The following ARL15 variants were observed in gnomAD, a reference collection of about 807,000 sequenced individuals.
The protein encoded by ARL15 is ARF like GTPase 15, also known as ADP-ribosylation factor-like protein 15.
In ARL15, 19 loss-of-function variants were observed where a neutral mutation model predicts 25.2. The observed-to-expected ratio is 0.75, with a 90% confidence interval of 0.53 to 1.10. ARL15 has a LOEUF of 1.10. Ranked by LOEUF, ARL15 falls within the 50% of genes least tolerant of loss-of-function variation. ARL15 has a pLI of 0.00. For missense variants in ARL15, 220 were observed against 246.0 expected (o/e 0.89, Z 0.71); for synonymous variants, 94 against 86.8 (o/e 1.08, Z -0.46).
chr5:54,054,324 T>A lies in ARL15; in HGVS notation c.462+58878A>T, dbSNP rs114686860. On this transcript the variant is annotated intron_variant, in intron 4 of 4. Coordinates refer to ENST00000504924, the MANE Select transcript of ARL15 (RefSeq NM_019087.3). Reference sequence around the variant, plus strand: ...TGGCACTGTACTATCTTCTGAGACTTGCACCAGTGGATTATGTATAAGAAA... The same window carrying A: ...TGGCACTGTACTATCTTCTGAGACTAGCACCAGTGGATTATGTATAAGAAA... Among the ~76,000 whole-genome samples, 1,079 of 152,330 alleles carry A rather than the reference T, an allele frequency of 7.1e-3. 12 individuals carry two copies. Among genetic ancestry groups the A allele is most frequent in the African/African-American group, 0.025 (1,037 of 41,562 alleles).
intron 4 of ARL15, among the ~76,000 whole-genome samples, chr5:53,962,868 T>A (rs3816974): frequency 0.2 from 29,950 of 152,066 alleles, 3,071 homozygotes; most frequent in Middle Eastern, 0.22. Flanking sequence ...TTTTTATTTT[T>A]ATTTTTTTTT....
At chr5:54,068,907 G>C (rs1439907125) in intron 4 of ARL15, among the ~76,000 whole-genome samples, 4 of 152,138 alleles carry the variant, frequency 2.6e-5, no homozygotes, top group Non-Finnish European at 5.9e-5. Flanking sequence ...CCTGACTTTA[G>C]GTAACTTAAT....
chr5:54,200,309 G>A (rs1356194120), intron 1 of ARL15, among the ~76,000 whole-genome samples: 5 of 146,564 alleles, frequency 3.4e-5, no homozygotes, highest in African/African-American at 1.2e-4. Context: ...ATTAAAAAAA[G>A]AGAAAAAAAA....
intron 1 of ARL15, among the ~76,000 whole-genome samples, chr5:54,257,161 A>G (rs995002557): frequency 4.6e-5 from 7 of 152,222 alleles, no homozygotes; most frequent in Admixed American, 4.6e-4. Flanking sequence ...CTCTCTGCCA[A>G]TGATAAATGA....
At chr5:54,000,142 T>C (rs1748806636) in intron 4 of ARL15, among the ~76,000 whole-genome samples, 2 of 152,192 alleles carry the variant, frequency 1.3e-5, no homozygotes, top group Non-Finnish European at 2.9e-5. Context: ...GAACACTCTT[T>C]TCTTTTCCTC....
intron 4 of ARL15, among the ~76,000 whole-genome samples, chr5:54,074,827 A>G (rs1044404788): frequency 1.3e-5 from 2 of 152,096 alleles, no homozygotes; most frequent in African/African-American, 4.8e-5. Context: ...AGACACATAT[A>G]AGAAGGTAAA....
intron 3 of ARL15, among the ~76,000 whole-genome samples, chr5:54,118,263 C>T (rs1385224771): frequency 6.6e-6 from 1 of 152,060 alleles, no homozygotes. Context: ...TTTGAGTTAT[C>T]TATGTGAGAC....
intron 1 of ARL15, among the ~76,000 whole-genome samples, chr5:54,215,369 C>T (rs1756165727): frequency 6.6e-6 from 1 of 152,146 alleles, no homozygotes; most frequent in African/African-American, 2.4e-5. Context: ...GTGGCTGTAT[C>T]TGTCTGCTGC....
chr5:53,887,553 G>A (rs572615288), intron 4 of ARL15, among the ~76,000 whole-genome samples: 1 of 152,258 alleles, frequency 6.6e-6, no homozygotes, highest in East Asian at 1.9e-4. Context: ...GCTTCTAGAA[G>A]TATTGATGAT....
chr5:53,926,617 G>A (rs1746033193), intron 4 of ARL15, among the ~76,000 whole-genome samples: 1 of 152,084 alleles, frequency 6.6e-6, no homozygotes, highest in Non-Finnish European at 1.5e-5. Flanking sequence ...AATTGACAGT[G>A]AGTGGCTTCC....
At chr5:54,064,730 TA>T (rs11318177) in intron 4 of ARL15, among the ~76,000 whole-genome samples, 97,685 of 148,070 alleles carry the variant, frequency 0.66, 31,792 homozygotes, top group African/African-American at 0.72. Flanking sequence ...ATCTAGTGAG[TA>T]AAAAAAAAAA....
chr5:54,040,351 G>A (rs1750299976), intron 4 of ARL15, among the ~76,000 whole-genome samples: 1 of 152,108 alleles, frequency 6.6e-6, no homozygotes, highest in African/African-American at 2.4e-5. Context: ...TGGGAAGAGA[G>A]AATCAAATAT....
intron 3 of ARL15, among the ~76,000 whole-genome samples, chr5:54,119,033 T>G (rs141140147): frequency 6.6e-6 from 1 of 152,298 alleles, no homozygotes; most frequent in East Asian, 1.9e-4. Flanking sequence ...TTGAGGACCA[T>G]GTCTGCATTC....
intron 1 of ARL15, among the ~76,000 whole-genome samples, chr5:54,259,181 A>G (rs912234137): frequency 1.3e-5 from 2 of 152,132 alleles, no homozygotes; most frequent in African/African-American, 4.8e-5. Flanking sequence ...CCTGGGGTCA[A>G]CCATGGGCAC....
At chr5:54,275,078 T>C (rs1019592101) in intron 1 of ARL15, among the ~76,000 whole-genome samples, 1 of 152,116 alleles carries the variant, frequency 6.6e-6, no homozygotes, top group Non-Finnish European at 1.5e-5. Flanking sequence ...AGAGTCTCAA[T>C]TATCAATCCA....
Position 53,886,444 on chromosome 5 carries a change from G to A in ARL15, c.*117C>T, listed in dbSNP as rs1283500101. The A allele has an allele frequency of 3.6e-6, 4 of 1,123,642 alleles. No homozygotes were observed. The highest frequency in any genetic ancestry group is 4.9e-6 in the Non-Finnish European group (4 of 811,058). 69.6% of individuals were successfully genotyped at this position (1,123,642 alleles called of 1,614,324 possible). ...TAATAGAGAGATGAGAGTCTGAAAT[G>A]ACCAGAGGAAAATAGATACTGAAGC... is the stretch of plus-strand genomic sequence containing the variant. On this transcript the variant is annotated 3_prime_UTR_variant, in exon 5 of 5. Transcript: ENST00000504924.
At chr5:54,112,959 C>A (rs188215972) in intron 4 of ARL15, among the ~76,000 whole-genome samples, 2 of 152,094 alleles carry the variant, frequency 1.3e-5, no homozygotes, top group Non-Finnish European at 2.9e-5. Flanking sequence ...AAAAATATAA[C>A]CAGAAACATC....
chr5:54,006,471 ATTTTTTT>A (rs113755017), intron 4 of ARL15, among the ~76,000 whole-genome samples: 1 of 148,216 alleles, frequency 6.7e-6, no homozygotes, highest in Non-Finnish European at 1.5e-5. Flanking sequence ...ATAACAATTG[ATTTTTTT>A]TTTTAACATG....
At chr5:54,179,694 T>C (rs1054833517) in intron 1 of ARL15, among the ~76,000 whole-genome samples, 55 of 152,184 alleles carry the variant, frequency 3.6e-4, no homozygotes, top group African/African-American at 1.3e-3. Flanking sequence ...TAACCCTTTT[T>C]TGTCCTCTGG....
Sources: allele counts gnomAD v4.1 joint callset (sites outside exome capture counted in the v4.1 genomes callset), GRCh38; gene constraint gnomAD v4.1.1; transcripts MANE v1.5; gene names NCBI Gene and HGNC (gene_info 2026-07-23, HGNC 2026-07-21).